Variants in NDUFA2 observed in about 807,000 individuals in gnomAD.
The protein encoded by NDUFA2 is NADH:ubiquinone oxidoreductase subunit A2.
In NDUFA2, 9 loss-of-function variants were observed where a neutral mutation model predicts 11.4. The observed-to-expected ratio is 0.79, with a 90% CI of 0.48 to 1.38. The LOEUF is 1.38. Among genes scored for constraint, NDUFA2 ranks in the 40% most tolerant of loss-of-function variants. NDUFA2 has a pLI of 0.00. For synonymous variants in NDUFA2, 49 were observed against 54.0 expected, an observed-to-expected ratio of 0.91 and a Z score of 0.41; for missense variants, 150 against 131.2, an observed-to-expected ratio of 1.14 and a Z score of -0.70.
chr5:140,646,959 T>C (rs1757438526), intron 2 of NDUFA2: 1 of 314,796 alleles, frequency 3.2e-6, no homozygotes, highest in Non-Finnish European at 5.9e-6. Context: ...ACACGTTATT[T>C]GGAGAAACTA....
In NDUFA2 at chr5:140,645,498, G is replaced by A. The variant is rs761414231; in HGVS notation, c.*89C>T. ...GTATTTTACAGCACAAGCTTTATGA[G>A]GAATAGGAGAACACATTTTTTTCAC... On this transcript the variant is annotated 3_prime_UTR_variant, in exon 3 of 3. Coordinates refer to ENST00000252102, the MANE Select transcript of NDUFA2 (RefSeq NM_002488.5). 4.0e-6 allele frequency: 6 copies of A among 1,513,892 alleles called. No homozygotes were observed. The South Asian group carries it at 6.8e-5, about 17-fold the overall frequency. 93.8% of individuals were successfully genotyped at this position (1,513,892 alleles called of 1,614,324 possible).
In NDUFA2 at chr5:140,647,353, A is replaced by T; in HGVS notation, c.111T>A (p.Ile37=). 1 of 1,609,716 alleles carries T rather than the reference A, an allele frequency of 6.2e-7. No homozygotes were observed. The highest frequency in any genetic ancestry group is 8.5e-7 in the Non-Finnish European group (1 of 1,176,964). The change falls in exon 2 of 3, where the codon ATT becomes ATA. Residue 37 remains isoleucine (I), a synonymous_variant. Coordinates refer to ENST00000252102, the MANE Select transcript of NDUFA2 (RefSeq NM_002488.5). The part of the protein sequence containing the change: ...SPGSQGVRDF[I]EKRYVELKKA... ...TCTTCAGCTCCACGTAGCGTTTCTC[A>T]ATGAAGTCCCTGCGGGGCCGGAGAG...
intron 2 of NDUFA2, among the ~76,000 whole-genome samples, chr5:140,646,820 AAAG>A (rs1245973311): frequency 1.4e-4 from 21 of 152,222 alleles, no homozygotes; most frequent in Admixed American, 6.5e-4. Context: ...TACAGTGAGA[AAAG>A]AAGAACACGC....
At chr5:140,645,792 G>C in intron 2 of NDUFA2, 114 bp from the exon 3 acceptor site, 4 of 1,518,872 alleles carry the variant, frequency 2.6e-6, no homozygotes, top group East Asian at 2.3e-5. Context: ...GAGTATTAAA[G>C]AGATATGATC....
chr5:140,645,483 G>A lies in NDUFA2; in HGVS notation c.*104C>T, dbSNP rs1358695149. ...GAACACCCTGAGAAAGTATTTTACA[G>A]CACAAGCTTTATGAGGAATAGGAGA... On this transcript the variant is annotated 3_prime_UTR_variant, in exon 3 of 3. Transcript: ENST00000252102. The A allele has an allele frequency of 6.9e-7, 1 of 1,449,916 alleles. No individual in the cohort carries two copies. The allele number at this position is 1,449,916 out of a possible 1,614,324, so 89.8% of individuals were successfully genotyped here. A position where few individuals can be genotyped will look rare whatever the true frequency, so the allele number is the denominator to read the frequency against.
At chr5:140,646,479 T>C (rs1325422605) in intron 2 of NDUFA2, among the ~76,000 whole-genome samples, 1 of 152,200 alleles carries the variant, frequency 6.6e-6, no homozygotes, top group Non-Finnish European at 1.5e-5. Flanking sequence ...GTCTCACAGA[T>C]ATCTACTCTG....
Position 140,647,320 on chromosome 5 carries a change from A to T in NDUFA2, c.144T>A (p.Asn48Lys), listed in dbSNP as rs371008733. The change falls in exon 2 of 3, where the codon AAT becomes AAA. Residue 48 changes from asparagine (N) to lysine (K), a missense_variant. Asn to Lys is a moderately conservative substitution (Grantham distance 94). Coordinates refer to ENST00000252102, the MANE Select transcript of NDUFA2 (RefSeq NM_002488.5). ...EKRYVELKKA[N>K]PDLPILIREC... is the part of the protein sequence containing the mutation. ...CGCGGATTAGGATGGGTAGGTCGGG[A>T]TTCGCCTTCTTCAGCTCCACGTAGC... 6.3e-7 allele frequency: 1 copy of T among 1,598,540 alleles called. No individual in the cohort carries two copies. The highest frequency in any genetic ancestry group is 1.1e-5 in the South Asian group (1 of 89,380).
chr5:140,647,018 C>A, intron 2 of NDUFA2: 1 of 471,126 alleles, frequency 2.1e-6, no homozygotes, highest in Non-Finnish European at 3.7e-6. Flanking sequence ...ACTACAAAAA[C>A]GTCAGCTCCT....
At chr5:140,645,964 A>G (rs1757369789) in intron 2 of NDUFA2, among the ~76,000 whole-genome samples, 1 of 151,408 alleles carries the variant, frequency 6.6e-6, no homozygotes, top group African/African-American at 2.4e-5. Context: ...TACGGTGAGC[A>G]ATGTATTGCA....
At chr5:140,645,977 G>A (rs1757370956) in intron 2 of NDUFA2, among the ~76,000 whole-genome samples, 1 of 151,622 alleles carries the variant, frequency 6.6e-6, no homozygotes, top group Non-Finnish European at 1.5e-5. Flanking sequence ...GTATTGCATG[G>A]GTCCAGCCTC....
chr5:140,647,408 C>T (rs779660717), intron 1 of NDUFA2, 46 bp from the exon 2 acceptor site: 1 of 1,610,850 alleles, frequency 6.2e-7, no homozygotes, highest in Non-Finnish European at 8.5e-7. Flanking sequence ...GCGGGGGCTT[C>T]CCTCAACTTC....
Position 140,645,493 on chromosome 5 carries a change from T to C in NDUFA2, c.*94A>G, listed in dbSNP as rs991675289. 3.3e-6 allele frequency: 5 copies of C among 1,496,678 alleles called. No individual in the cohort carries two copies. The highest frequency in any genetic ancestry group is 4.6e-6 in the Non-Finnish European group (5 of 1,082,534). 92.7% of individuals were successfully genotyped at this position (1,496,678 alleles called of 1,614,324 possible). ...AGAAAGTATTTTACAGCACAAGCTT[T>C]ATGAGGAATAGGAGAACACATTTTT... On this transcript the variant is annotated 3_prime_UTR_variant, in exon 3 of 3. Transcript: ENST00000252102.
At chr5:140,645,872 T>C in intron 2 of NDUFA2, 194 bp from the exon 3 acceptor site, 3 of 1,069,562 alleles carry the variant, frequency 2.8e-6, no homozygotes, top group Non-Finnish European at 4.1e-6. Flanking sequence ...CAAGTCCAAA[T>C]AGAATTTTGG....
intron 2 of NDUFA2, among the ~76,000 whole-genome samples, chr5:140,646,290 C>A (rs1293486760): frequency 6.6e-6 from 1 of 152,136 alleles, no homozygotes; most frequent in Non-Finnish European, 1.5e-5. Context: ...GGATTACAGG[C>A]GTGAACCACC....
chr5:140,647,422 G>A, intron 1 of NDUFA2, 60 bp from the exon 2 acceptor site: 1 of 1,609,814 alleles, frequency 6.2e-7, no homozygotes, highest in Non-Finnish European at 8.5e-7. Context: ...CAACTTCAGG[G>A]AGGTCGAGGT....
Position 140,647,382 on chromosome 5 carries a change from G to A in NDUFA2, c.102-20C>T. ...AAGTCCCTGCGGGGCCGGAGAGAGCGCCGCGCGTGCTGTGGGCGGGGGCTT... is the reference window on the plus strand; with the variant it reads ...AAGTCCCTGCGGGGCCGGAGAGAGCACCGCGCGTGCTGTGGGCGGGGGCTT... On this transcript the variant is annotated intron_variant, in intron 1 of 2. Coordinates refer to ENST00000252102, the MANE Select transcript of NDUFA2 (RefSeq NM_002488.5). 1 of 1,610,900 alleles carries A rather than the reference G, an allele frequency of 6.2e-7. No homozygotes were observed. The highest frequency in any genetic ancestry group is 8.5e-7 in the Non-Finnish European group (1 of 1,177,782).
chr5:140,645,951 A>G (rs1757368386), intron 2 of NDUFA2, among the ~76,000 whole-genome samples: 1 of 151,522 alleles, frequency 6.6e-6, no homozygotes. Flanking sequence ...ATTTATTATT[A>G]ACTACGGTGA....
At chr5:140,646,442 T>C (rs967352756) in intron 2 of NDUFA2, among the ~76,000 whole-genome samples, 1 of 152,162 alleles carries the variant, frequency 6.6e-6, no homozygotes, top group Non-Finnish European at 1.5e-5. Flanking sequence ...CTTCTCCAAT[T>C]ATTAGTGCAT....
intron 1 of NDUFA2, 24 bp from the exon 2 acceptor site, chr5:140,647,386 C>T (rs1431606283): frequency 6.2e-7 from 1 of 1,611,076 alleles, no homozygotes; most frequent in Non-Finnish European, 8.5e-7. Context: ...GAGAGCGCCG[C>T]GCGTGCTGTG....
Sources: allele counts gnomAD v4.1 joint callset (sites outside exome capture counted in the v4.1 genomes callset), GRCh38; gene constraint gnomAD v4.1.1; transcripts MANE v1.5; gene names NCBI Gene and HGNC (gene_info 2026-07-23, HGNC 2026-07-21).